The following CSGALNACT1 variants were observed in gnomAD, a reference collection of about 807,000 sequenced individuals.
CSGALNACT1 encodes chondroitin sulfate N-acetylgalactosaminyltransferase 1.
In CSGALNACT1, 52 loss-of-function variants were observed where a neutral mutation model predicts 51.0. The observed-to-expected ratio is 1.02, with a 90% CI of 0.82 to 1.29. The LOEUF (loss-of-function observed/expected upper bound fraction) is 1.29, where lower values mean the gene tolerates loss of function less well. CSGALNACT1 is among the 50% of genes most tolerant of loss of function. The pLI is 0.00. For synonymous variants in CSGALNACT1, 341 were observed against 254.4 expected (o/e 1.34, Z -3.24); for missense variants, 935 against 679.2 (o/e 1.38, Z -4.19).
intron 3 of CSGALNACT1, among the ~76,000 whole-genome samples, chr8:19,554,214 G>C (rs1046210725): frequency 6.6e-6 from 1 of 152,178 alleles, no homozygotes; most frequent in Non-Finnish European, 1.5e-5. Context: ...ATCTGCAAGG[G>C]AAGGAGAGTG....
chr8:19,682,813 A>C, upstream of CSGALNACT1: 1 of 450,262 alleles, frequency 2.2e-6, no homozygotes, highest in South Asian at 1.6e-5. Flanking sequence ...GCCAGCACAG[A>C]TAACACTATC....
At chr8:19,648,783 G>A (rs763616732) in intron 1 of CSGALNACT1, among the ~76,000 whole-genome samples, 17 of 152,182 alleles carry the variant, frequency 1.1e-4, no homozygotes, top group African/African-American at 1.9e-4. Context: ...TCCAGCCTGC[G>A]TGACAGAGTG....
chr8:19,587,162 C>G (rs912659344), intron 3 of CSGALNACT1, among the ~76,000 whole-genome samples: 2 of 152,134 alleles, frequency 1.3e-5, no homozygotes, highest in African/African-American at 4.8e-5. Flanking sequence ...TTCACAGACT[C>G]ATTACGATCT....
At chr8:19,599,508 GAA>G (rs1305408117) in intron 2 of CSGALNACT1, among the ~76,000 whole-genome samples, 2 of 122,134 alleles carry the variant, frequency 1.6e-5, no homozygotes, top group East Asian at 4.4e-4. Context: ...AAGAAAGAAA[GAA>G]AGAAAGAAAG....
At chr8:19,510,122 C>T (rs2078187636) in intron 3 of CSGALNACT1, among the ~76,000 whole-genome samples, 1 of 152,080 alleles carries the variant, frequency 6.6e-6, no homozygotes, top group Non-Finnish European at 1.5e-5. Context: ...AATGTTCATC[C>T]TTACTAATTG....
chr8:19,534,032 T>C (rs1384463137), intron 3 of CSGALNACT1, among the ~76,000 whole-genome samples: 1 of 152,200 alleles, frequency 6.6e-6, no homozygotes, highest in Non-Finnish European at 1.5e-5. Flanking sequence ...TTTGGTCTTA[T>C]TTCCTTTCAA....
intron 3 of CSGALNACT1, among the ~76,000 whole-genome samples, chr8:19,511,979 C>T (rs1162595946): frequency 6.6e-6 from 1 of 152,174 alleles, no homozygotes; most frequent in Admixed American, 6.5e-5. Flanking sequence ...GAAATCTGCC[C>T]TCCATGATCC....
chr8:19,698,601 T>C (rs1409146063), intron 1 of CSGALNACT1, among the ~76,000 whole-genome samples: 2 of 152,222 alleles, frequency 1.3e-5, no homozygotes, highest in Non-Finnish European at 2.9e-5. Context: ...CTACTGATAC[T>C]GCTTTAAAAC....
chr8:19,614,044 G>A (rs1254946234), intron 1 of CSGALNACT1, among the ~76,000 whole-genome samples: 5 of 152,174 alleles, frequency 3.3e-5, no homozygotes, highest in Non-Finnish European at 7.4e-5. Flanking sequence ...CATTGTTGTG[G>A]AAGATCCCAA....
At chr8:19,716,139 T>C (rs1355134963) in intron 1 of CSGALNACT1, among the ~76,000 whole-genome samples, 1 of 152,078 alleles carries the variant, frequency 6.6e-6, no homozygotes, top group Non-Finnish European at 1.5e-5. Flanking sequence ...ATCCCGCCCT[T>C]TCCTCTAACA....
chr8:19,501,102 T>A lies in CSGALNACT1; in HGVS notation c.634+4099A>T, dbSNP rs141678753. Reference sequence around the variant, plus strand: ...CCATCTCTACTAAAAATACAAAAATTAACCAAGCATAGTGGCACGTGCCTG... The same window carrying A: ...CCATCTCTACTAAAAATACAAAAATAAACCAAGCATAGTGGCACGTGCCTG... On this transcript the variant is annotated intron_variant, in intron 4 of 9. Coordinates refer to ENST00000454498, the Ensembl canonical transcript of CSGALNACT1. Among the ~76,000 whole-genome samples the A allele has an allele frequency of 2.0e-5, 3 of 151,328 alleles. No homozygotes were observed. The East Asian group carries it at 5.8e-4, about 29-fold the overall frequency.
intron 3 of CSGALNACT1, among the ~76,000 whole-genome samples, chr8:19,517,440 CA>C (rs1192369356): frequency 6.6e-6 from 1 of 151,342 alleles, no homozygotes; most frequent in Non-Finnish European, 1.5e-5. Flanking sequence ...AACTCCATCT[CA>C]AAAAAAAGAA....
chr8:19,632,514 T>C (rs1348799965), intron 1 of CSGALNACT1, among the ~76,000 whole-genome samples: 1 of 151,892 alleles, frequency 6.6e-6, no homozygotes, highest in Non-Finnish European at 1.5e-5. Context: ...ACATTTGGAA[T>C]ACCTTTCCTC....
At chr8:19,481,473 A>G (rs2071386108) in intron 4 of CSGALNACT1, among the ~76,000 whole-genome samples, 1 of 152,134 alleles carries the variant, frequency 6.6e-6, no homozygotes, top group African/African-American at 2.4e-5. Context: ...GACTTTATAT[A>G]AAGATCACAG....
intron 1 of CSGALNACT1, among the ~76,000 whole-genome samples, chr8:19,695,587 G>C (rs1259135455): frequency 1.3e-5 from 2 of 152,160 alleles, no homozygotes; most frequent in Admixed American, 1.3e-4. Context: ...ATTAAAGCAT[G>C]ATGAAATAAA....
In CSGALNACT1 at chr8:19,482,482, T is replaced by C. The variant is rs1170431481; in HGVS notation, c.634+22719A>G. Among the ~76,000 whole-genome samples the C allele has an allele frequency of 3.3e-5, 5 of 152,208 alleles. 1 individual carries two copies. In the Middle Eastern group the frequency reaches 0.017, roughly 518 times the overall value. ...GCCAGCAATGACTTCTTCTGCTACA[T>C]CCAATAGATCCTGTAAATTCTTATC... is the stretch of plus-strand genomic sequence containing the variant. On this transcript the variant is annotated intron_variant, in intron 4 of 9. Coordinates refer to ENST00000454498, the Ensembl canonical transcript of CSGALNACT1.
intron 1 of CSGALNACT1, among the ~76,000 whole-genome samples, chr8:19,629,708 CA>C (rs2054949950): frequency 6.6e-6 from 1 of 152,192 alleles, no homozygotes; most frequent in African/African-American, 2.4e-5. Context: ...ACCTATGCCT[CA>C]AAATGCTACT....
intron 1 of CSGALNACT1, among the ~76,000 whole-genome samples, chr8:19,715,824 C>T (rs2062774527): frequency 6.6e-6 from 1 of 152,114 alleles, no homozygotes; most frequent in African/African-American, 2.4e-5. Context: ...TCTGTGGTTA[C>T]TCTCAGTGAC....
At chr8:19,501,801 G>A (rs1395830440) in intron 4 of CSGALNACT1, among the ~76,000 whole-genome samples, 1 of 152,180 alleles carries the variant, frequency 6.6e-6, no homozygotes, top group Non-Finnish European at 1.5e-5. Context: ...CCATCCTGAA[G>A]GAATAACTAA....
Sources: gnomAD v4.1 joint callset for allele counts (sites outside exome capture counted in the v4.1 genomes callset) on GRCh38, gnomAD v4.1.1 for gene constraint, MANE v1.5 for transcripts, NCBI Gene and HGNC (gene_info 2026-07-23, HGNC 2026-07-21) for gene names.